Variants in CCDC88A observed in about 807,000 individuals in gnomAD.
CCDC88A encodes the protein coiled-coil and HOOK domain protein 88A.
CCDC88A carries 54 observed loss-of-function variants against 234.3 expected under a neutral mutation model. The ratio of observed to expected loss-of-function variants is 0.23; its 90% CI spans 0.19 to 0.29. CCDC88A has a LOEUF of 0.29. CCDC88A is among the 10% of genes least tolerant of loss of function. The probability of loss-of-function intolerance (pLI) is 1.00; values close to 1 mark genes in which losing one functional copy is unlikely to be tolerated. For missense variants in CCDC88A, 1,832 were observed against 2,123.4 expected (o/e 0.86, Z 2.70); for synonymous variants, 753 against 737.8 (o/e 1.02, Z -0.33).
rs1682081627 is a variant in CCDC88A at position 55,309,680 on chromosome 2, T to G, written c.4080-426A>C. 6.6e-6 allele frequency among the ~76,000 whole-genome samples: 1 copy of G among 152,298 alleles called. No homozygotes were observed. The highest frequency in any genetic ancestry group is 2.4e-5 in the African/African-American group (1 of 41,570). ...ATCGCATCCTAGTCTCATTGTTATA[T>G]TCTCAGTAGTATTTACTATACAGAG... On this transcript the variant is annotated intron_variant, in intron 23 of 32. Coordinates refer to ENST00000436346, the MANE Select transcript of CCDC88A (RefSeq NM_001365480.1). This position sits in a 1 kb window ranked among gnomAD's most constrained non-coding sequence, Gnocchi z 5.1.
At chr2:55,389,820 C>G (rs541531799) in intron 2 of CCDC88A, among the ~76,000 whole-genome samples, 10 of 151,986 alleles carry the variant, frequency 6.6e-5, no homozygotes, top group African/African-American at 2.4e-4. Flanking sequence ...GCTGGTGGAT[C>G]ACCTGAGGTC....
At chr2:55,301,711 A>G in intron 27 of CCDC88A, 161 bp downstream of exon 27, 1 of 644,934 alleles carries the variant, frequency 1.6e-6, no homozygotes, top group South Asian at 2.0e-5. Flanking sequence ...ATAACGTTTT[A>G]TATTTTTAAA....
chr2:55,371,147 CAG>C (rs1342192509), intron 5 of CCDC88A, among the ~76,000 whole-genome samples: 3 of 152,162 alleles, frequency 2.0e-5, no homozygotes, highest in African/African-American at 7.2e-5. Flanking sequence ...TTCACCAACA[CAG>C]GGTATTTTTT....
rs187087371 is a variant in CCDC88A, at chr2:55,316,213, T to C, written c.3747-99A>G. The C allele has an allele frequency of 1.9e-3, 862 of 463,830 alleles. 3 individuals carry two copies. The highest frequency in any genetic ancestry group is 0.016 in the Middle Eastern group (28 of 1,746). The allele number at this position is 463,830 out of a possible 1,614,324, so 28.7% of individuals were successfully genotyped here. A position where few individuals can be genotyped will look rare whatever the true frequency, so the allele number is the denominator to read the frequency against. On this transcript the variant is annotated intron_variant, in intron 21 of 32. Transcript: ENST00000436346. ...GATATAAATAACATTAAGGCATACT[T>C]AGAATAAAAGACTGTTTTACAAGTT...
chr2:55,310,290 G>C (rs968484406), intron 23 of CCDC88A, among the ~76,000 whole-genome samples: 1 of 152,194 alleles, frequency 6.6e-6, no homozygotes, highest in African/African-American at 2.4e-5. Flanking sequence ...ATCGGAAAGA[G>C]TGGAGATAAG....
chr2:55,362,227 C>T lies in CCDC88A; in HGVS notation c.627+81G>A, dbSNP rs545682286. On this transcript the variant is annotated intron_variant, in intron 7 of 32. Transcript: ENST00000436346. ...ATCACCTGTCTCTAAGAAATAGTAT[C>T]GTTTCTGAAAAGTTCCTAAAGCTAC... 5.6e-5 allele frequency: 60 copies of T among 1,076,224 alleles called. No homozygotes were observed. The African/African-American group carries it at 8.2e-4, about 15-fold the overall frequency. 66.7% of individuals were successfully genotyped at this position (1,076,224 alleles called of 1,614,324 possible).
chr2:55,330,043 G>A (rs1684731517), intron 16 of CCDC88A: 1 of 152,160 alleles, frequency 6.6e-6, no homozygotes, highest in African/African-American at 2.4e-5. Context: ...TTACAGGCAT[G>A]AGCCACCGTG....
intron 2 of CCDC88A, among the ~76,000 whole-genome samples, chr2:55,401,025 C>T (rs554924825): frequency 1.3e-5 from 2 of 152,228 alleles, no homozygotes; most frequent in African/African-American, 4.8e-5. Context: ...ACAGCACCAC[C>T]ATTAAGGGTT....
At chr2:55,381,356 G>C (rs11125566) in intron 3 of CCDC88A, among the ~76,000 whole-genome samples, 130,666 of 151,976 alleles carry the variant, frequency 0.86, 56,604 homozygotes, top group Admixed American at 0.93. Flanking sequence ...GTTTGAGAAC[G>C]AGGCAACATG....
rs760886877 is a variant in CCDC88A at position 55,328,440 on chromosome 2, C to T, written c.2856-5G>A. On this transcript the variant is annotated splice_polypyrimidine_tract_variant and splice_region_variant and intron_variant, in intron 16 of 32. Coordinates refer to ENST00000436346, the MANE Select transcript of CCDC88A (RefSeq NM_001365480.1). This position sits in a 1 kb window ranked among gnomAD's most constrained non-coding sequence, Gnocchi z 4.3. ...GATTCCAAAAGTTTATACCTACTAT[C>T]CAAGTACAAAGTAATGTAGTTCATT... is the stretch of plus-strand genomic sequence containing the variant. 7.2e-6 allele frequency: 11 copies of T among 1,535,838 alleles called. No individual in the cohort carries two copies. The East Asian group carries it at 2.1e-4, about 29-fold the overall frequency.
At chr2:55,305,801 C>T (rs989706900) in intron 25 of CCDC88A, among the ~76,000 whole-genome samples, 1 of 151,812 alleles carries the variant, frequency 6.6e-6, no homozygotes, top group East Asian at 1.9e-4. Flanking sequence ...TTCAAGACTG[C>T]GGTGAGCTAT....
chr2:55,398,284 C>G (rs1677964402), intron 2 of CCDC88A, among the ~76,000 whole-genome samples: 1 of 152,180 alleles, frequency 6.6e-6, no homozygotes, highest in Admixed American at 6.5e-5. Flanking sequence ...TCTGTAACTT[C>G]TGTTCTACAT....
intron 2 of CCDC88A, chr2:55,416,824 T>C (rs1681574494): frequency 6.6e-6 from 1 of 151,998 alleles, no homozygotes; most frequent in East Asian, 1.9e-4. Context: ...ACAATGTATA[T>C]TTTGTTGCCC....
chr2:55,325,671 T>A (rs1479096830), intron 17 of CCDC88A, among the ~76,000 whole-genome samples: 2 of 152,198 alleles, frequency 1.3e-5, no homozygotes, highest in Non-Finnish European at 2.9e-5. Context: ...TAGATGAAGT[T>A]CTTTCTACTT....
chr2:55,364,065 C>T, intron 5 of CCDC88A, 32 bp from the exon 6 acceptor site: 1 of 1,053,498 alleles, frequency 9.5e-7, no homozygotes, highest in Non-Finnish European at 1.4e-6. Context: ...GTTATTCATA[C>T]TTTATAGGGT....
At chr2:55,313,550 G>T (rs1474345718) in intron 22 of CCDC88A, 1 of 152,150 alleles carries the variant, frequency 6.6e-6, no homozygotes, top group African/African-American at 2.4e-5. Context: ...CCTTAGCTAG[G>T]CCAGAGGTTC....
intron 3 of CCDC88A, among the ~76,000 whole-genome samples, chr2:55,379,813 T>C (rs1235720717): frequency 2.0e-5 from 3 of 152,180 alleles, no homozygotes; most frequent in African/African-American, 7.2e-5. Flanking sequence ...CTCAGGAGGC[T>C]GAGGCAGGAG....
At chr2:55,308,766 G>C (rs1681961546) in intron 25 of CCDC88A, 43 bp downstream of exon 25, 2 of 1,446,924 alleles carry the variant, frequency 1.4e-6, no homozygotes. Context: ...TCTTTAGAAA[G>C]GATTCTAAAT....
intron 5 of CCDC88A, among the ~76,000 whole-genome samples, chr2:55,371,811 T>G (rs1041388973): frequency 6.6e-6 from 1 of 152,128 alleles, no homozygotes; most frequent in Admixed American, 6.5e-5. Flanking sequence ...AACAGTACCT[T>G]CTTTGACTTT....
Sources: gnomAD v4.1 joint callset for allele counts (sites outside exome capture counted in the v4.1 genomes callset) on GRCh38, gnomAD v4.1.1 for gene constraint, Gnocchi (gnomAD v3.1) non-coding constraint, MANE v1.5 for transcripts, NCBI Gene and HGNC (gene_info 2026-07-23, HGNC 2026-07-21) for gene names.